The following NLGN4Y variants were observed in gnomAD, a reference collection of about 807,000 sequenced individuals.
The protein encoded by NLGN4Y is neuroligin 4 Y-linked.
NLGN4Y carries 4 observed loss-of-function variants against 8.4 expected under a neutral mutation model. The ratio of observed to expected loss-of-function variants is 0.48; its 90% CI spans 0.23 to 1.09. The LOEUF (loss-of-function observed/expected upper bound fraction) is 1.09. Among genes scored for constraint, NLGN4Y ranks in the 50% least tolerant of loss-of-function variants. The probability of loss-of-function intolerance (pLI) is 0.19; values close to 1 mark genes in which losing one functional copy is unlikely to be tolerated. For missense variants in NLGN4Y, 90 were observed against 192.3 expected, an observed-to-expected ratio of 0.47 and a Z score of 3.15; for synonymous variants, 35 against 75.6, an observed-to-expected ratio of 0.46 and a Z score of 2.78.
chrY:14,823,050 A>G (rs2043128745), intron 4 of NLGN4Y, among the ~76,000 whole-genome samples: 2 of 33,350 alleles, frequency 6.0e-5, no homozygotes, highest in African/African-American at 2.3e-4. Context: ...CTTTCTTTGA[A>G]GCCTGGCCAT....
chrY:14,682,142 A>T, intron 2 of NLGN4Y, among the ~76,000 whole-genome samples: 1 of 33,375 alleles, frequency 3.0e-5, no homozygotes, highest in Non-Finnish European at 7.4e-5. Context: ...TTTTGAGGGA[A>T]ATGAAGCAGT....
In NLGN4Y at chrY:14,622,275, T is replaced by C; in HGVS notation, c.156T>C (p.Tyr52=). Residue 52 remains tyrosine (Y), a synonymous_variant, in exon 2 of 7, where the codon TAT becomes TAC. Coordinates refer to ENST00000684976, the MANE Select transcript of NLGN4Y (RefSeq NM_001365588.1). ...QAQYPVVNTN[Y]GKIQGLRTPL... is the part of the protein sequence containing the mutation. ...AGTATCCAGTTGTCAACACAAATTA[T>C]GGTAAAATCCAGGGCCTAAGAACAC... 5.0e-6 allele frequency: 2 copies of C among 399,162 alleles called. No homozygotes were observed. The highest frequency in any genetic ancestry group is 7.0e-6 in the Non-Finnish European group (2 of 283,690).
At chrY:14,545,049 C>T (rs1603499191) in intron 1 of NLGN4Y, among the ~76,000 whole-genome samples, 1 of 30,315 alleles carries the variant, frequency 3.3e-5, no homozygotes, top group African/African-American at 1.3e-4. Flanking sequence ...TTTGTTCTTG[C>T]GATAGTTTAC....
intron 1 of NLGN4Y, among the ~76,000 whole-genome samples, chrY:14,598,438 A>G (rs2080414015): frequency 3.5e-4 from 12 of 33,892 alleles, no homozygotes; most frequent in East Asian, 1.6e-3. Flanking sequence ...CCACTGGCCC[A>G]GATGCTAAGT....
At chrY:14,760,758 C>A in intron 4 of NLGN4Y, among the ~76,000 whole-genome samples, 1 of 32,994 alleles carries the variant, frequency 3.0e-5, no homozygotes, top group African/African-American at 1.2e-4. Context: ...CTACATTCGA[C>A]CACTGAGGGA....
chrY:14,600,499 A>G (rs2080423061), intron 1 of NLGN4Y, among the ~76,000 whole-genome samples: 1 of 32,246 alleles, frequency 3.1e-5, no homozygotes, highest in African/African-American at 1.2e-4. Context: ...ACATGTATGC[A>G]TATATTAAAA....
chrY:14,529,943 A>G (rs2080105619), intron 1 of NLGN4Y, among the ~76,000 whole-genome samples: 4 of 27,130 alleles, frequency 1.5e-4, no homozygotes, highest in Admixed American at 7.6e-4. Flanking sequence ...GTGTGTGTGT[A>G]TATATATACA....
At chrY:14,692,350 T>C (rs902579905) in intron 2 of NLGN4Y, among the ~76,000 whole-genome samples, 15 of 33,239 alleles carry the variant, frequency 4.5e-4, no homozygotes, top group Admixed American at 1.1e-3. Context: ...AAGCCTCTTA[T>C]AGATTTTTAT....
At chrY:14,534,616 C>G (rs757908248) in intron 1 of NLGN4Y, among the ~76,000 whole-genome samples, 1 of 33,447 alleles carries the variant, frequency 3.0e-5, no homozygotes, top group Admixed American at 2.7e-4. Flanking sequence ...TTTACTTATT[C>G]AAAACTTGTT....
intron 2 of NLGN4Y, among the ~76,000 whole-genome samples, chrY:14,713,796 T>C (rs775531637): frequency 5.9e-5 from 2 of 34,186 alleles, no homozygotes; most frequent in Non-Finnish European, 1.5e-4. Context: ...AGTACTATTT[T>C]AGAAAGACTG....
intron 1 of NLGN4Y, among the ~76,000 whole-genome samples, chrY:14,574,703 T>C: frequency 3.0e-5 from 1 of 33,671 alleles, no homozygotes; most frequent in Non-Finnish European, 7.3e-5. Context: ...CTTTACAATT[T>C]GGCATGTTTT....
chrY:14,622,098 G>T lies in NLGN4Y; in HGVS notation c.-22G>T. 2.7e-6 allele frequency: 1 copy of T among 369,551 alleles called. No individual in the cohort carries two copies. Among genetic ancestry groups the T allele is most frequent in the East Asian group, 9.3e-5 (1 of 10,739 alleles). The allele number at this position is 369,551 out of a possible 400,897, so 92.2% of individuals were successfully genotyped here. A position where few individuals can be genotyped will look rare whatever the true frequency, so the allele number is the denominator to read the frequency against. ...GAGCCACCTCACTTAGACAGCTTCG[G>T]ATGTGGATGCAGATTTGAACCATGT... On this transcript the variant is annotated 5_prime_UTR_variant, in exon 2 of 7. Coordinates refer to ENST00000684976, the MANE Select transcript of NLGN4Y (RefSeq NM_001365588.1).
intron 1 of NLGN4Y, among the ~76,000 whole-genome samples, chrY:14,621,359 C>A (rs946347652): frequency 3.0e-5 from 1 of 33,458 alleles, no homozygotes; most frequent in Non-Finnish European, 7.4e-5. Context: ...AGAAAAAGTT[C>A]TTTTGATAAC....
chrY:14,629,454 G>A, intron 2 of NLGN4Y, among the ~76,000 whole-genome samples: 1 of 33,436 alleles, frequency 3.0e-5, no homozygotes, highest in African/African-American at 1.2e-4. Flanking sequence ...TATTAGAAGG[G>A]TGGTGAGATA....
intron 1 of NLGN4Y, among the ~76,000 whole-genome samples, chrY:14,603,625 G>T: frequency 9.0e-5 from 3 of 33,315 alleles, no homozygotes; most frequent in Non-Finnish European, 2.2e-4. Flanking sequence ...GATAGTCATG[G>T]CAGTACAGGC....
intron 4 of NLGN4Y, among the ~76,000 whole-genome samples, chrY:14,812,629 G>A: frequency 6.2e-5 from 2 of 32,402 alleles, no homozygotes; most frequent in African/African-American, 1.2e-4. Flanking sequence ...TGTATTTAAA[G>A]TTAAGTGATC....
chrY:14,799,552 A>T, intron 4 of NLGN4Y, among the ~76,000 whole-genome samples: 1 of 33,336 alleles, frequency 3.0e-5, no homozygotes, highest in African/African-American at 1.2e-4. Context: ...TATTTTTCCC[A>T]ACCCATCAAA....
chrY:14,534,393 C>T (rs1027742180), intron 1 of NLGN4Y, among the ~76,000 whole-genome samples: 1 of 33,360 alleles, frequency 3.0e-5, no homozygotes, highest in African/African-American at 1.2e-4. Context: ...CACATTATGG[C>T]CTTAAAGCCT....
chrY:14,708,817 A>C, intron 2 of NLGN4Y, among the ~76,000 whole-genome samples: 1 of 33,644 alleles, frequency 3.0e-5, no homozygotes, highest in Non-Finnish European at 7.3e-5. Flanking sequence ...ACTTTTATTT[A>C]GCAAAGCATC....
Sources: gnomAD v4.1 joint callset for allele counts (sites outside exome capture counted in the v4.1 genomes callset) on GRCh38, gnomAD v4.1.1 for gene constraint, MANE v1.5 for transcripts, NCBI Gene and HGNC (gene_info 2026-07-23, HGNC 2026-07-21) for gene names.